The following PABIR3 variants were observed in gnomAD, a reference collection of about 807,000 sequenced individuals.
The protein encoded by PABIR3 is PABIR family member 3, also known as PABIR family member 1.
Under a neutral mutation model 23.1 loss-of-function variants are expected in PABIR3, and 20 were observed. The ratio of observed to expected loss-of-function variants is 0.86; its 90% CI spans 0.61 to 1.26. PABIR3 has a LOEUF of 1.26. Ranked by LOEUF, PABIR3 falls within the 50% of genes most tolerant of loss-of-function variation. PABIR3 has a pLI of 0.00. For missense variants in PABIR3, 189 were observed against 195.4 expected, an observed-to-expected ratio of 0.97 and a Z score of 0.20; for synonymous variants, 69 against 68.5, an observed-to-expected ratio of 1.01 and a Z score of -0.04.
chrX:134,821,244 TAA>T (rs34486506), intron 3 of PABIR3: 24,681 of 536,544 alleles, frequency 0.046, 9 homozygotes, highest in East Asian at 0.068. Context: ...CCAAGCATTG[TAA>T]AAAAAAAAAA....
chrX:134,798,269 G>A (rs775730091), intron 1 of PABIR3, among the ~76,000 whole-genome samples: 1 of 112,665 alleles, frequency 8.9e-6, no homozygotes, highest in South Asian at 3.6e-4. Flanking sequence ...ACAGTCACAG[G>A]TAACGAAAGG....
At chrX:134,833,778 C>T (rs1040775489) in intron 4 of PABIR3, among the ~76,000 whole-genome samples, 1 of 110,980 alleles carries the variant, frequency 9.0e-6, no homozygotes, top group African/African-American at 3.3e-5. Context: ...TTTGGTTTTC[C>T]GTTCCTGTGT....
At position 134,807,700 on chromosome X, in the gene PABIR3, T is replaced by C. The variant is rs776368516; in HGVS notation, c.102T>C (p.Asn34=). The C allele has an allele frequency of 1.7e-6, 2 of 1,177,769 alleles. No individual in the cohort carries two copies. Among genetic ancestry groups the C allele is most frequent in the Non-Finnish European group, 2.3e-6 (2 of 874,016 alleles). The change falls in exon 2 of 11, where the codon AAT becomes AAC. Residue 34 remains asparagine (N), a synonymous_variant. Coordinates refer to ENST00000645433, the MANE Select transcript of PABIR3 (RefSeq NM_001388447.1). ...LRRVNSAPLI[N]GLGFNSQVLQ... The stretch of plus-strand genomic sequence containing the variant: ...GAGTCAACAGTGCCCCTTTGATCAA[T>C]GGACTTGGGTGAGCCGGGTTGAGAT...
chrX:134,820,384 G>C (rs1196586349), intron 3 of PABIR3, among the ~76,000 whole-genome samples: 2 of 111,527 alleles, frequency 1.8e-5, no homozygotes, highest in African/African-American at 6.5e-5. Context: ...TAAACTATAA[G>C]TTTAATGGTT....
chrX:134,804,553 C>T (rs1436252834), upstream of PABIR3, among the ~76,000 whole-genome samples: 1 of 111,983 alleles, frequency 8.9e-6, no homozygotes, highest in East Asian at 2.8e-4. Context: ...CTTAGTCACT[C>T]TTCCCTTGTC....
chrX:134,858,153 A>G (rs1009879368), downstream of PABIR3, among the ~76,000 whole-genome samples: 1 of 112,061 alleles, frequency 8.9e-6, no homozygotes, highest in Non-Finnish European at 1.9e-5. Flanking sequence ...CTCAATGCAG[A>G]AATCCTTTTA....
intron 3 of PABIR3, among the ~76,000 whole-genome samples, chrX:134,824,745 A>G (rs1256391921): frequency 2.7e-5 from 3 of 112,023 alleles, no homozygotes; most frequent in Non-Finnish European, 5.6e-5. Flanking sequence ...GGTTGCATTG[A>G]GCCAAAATTG....
intron 2 of PABIR3, among the ~76,000 whole-genome samples, chrX:134,808,535 C>T (rs934000330): frequency 9.0e-6 from 1 of 111,613 alleles, no homozygotes; most frequent in Non-Finnish European, 1.9e-5. Context: ...CGCCCACCAA[C>T]ACTCCCGGCT....
chrX:134,854,251 C>G lies in PABIR3; in HGVS notation c.*34C>G. On this transcript the variant is annotated 3_prime_UTR_variant, in exon 11 of 11. Coordinates refer to ENST00000645433, the MANE Select transcript of PABIR3 (RefSeq NM_001388447.1). The stretch of plus-strand genomic sequence containing the variant: ...CTTTCAACTAAATGATTCACCCATC[C>G]CAAGACTTTCTCACCAGTGGAGAAA... The G allele has an allele frequency of 8.5e-7, 1 of 1,182,760 alleles. No individual in the cohort carries two copies. The highest frequency in any genetic ancestry group is 1.9e-5 in the South Asian group (1 of 53,906).
Position 134,811,948 on chromosome X carries a change from A to G in PABIR3, c.111-2823A>G, listed in dbSNP as rs180722902. ...ATTTACTCTCTGGCCCTTCGCAGAA[A>G]AAGTTTGCCCATCTTCTGGTTTATT... On this transcript the variant is annotated intron_variant, in intron 2 of 10. Transcript: ENST00000645433. 8.0e-5 allele frequency among the ~76,000 whole-genome samples: 9 copies of G among 112,594 alleles called. No homozygotes were observed. The East Asian group carries it at 2.5e-3, about 31-fold the overall frequency.
At chrX:134,849,331 T>C (rs1014476926) in intron 9 of PABIR3, 103 bp downstream of exon 9, 27 of 316,212 alleles carry the variant, frequency 8.5e-5, no homozygotes, top group Non-Finnish European at 1.2e-4. Context: ...GCTTTATTTA[T>C]TTAAAATATA....
chrX:134,824,221 C>T (rs888128858), intron 3 of PABIR3, among the ~76,000 whole-genome samples: 7 of 111,808 alleles, frequency 6.3e-5, no homozygotes, highest in Non-Finnish European at 1.1e-4. Context: ...ACCCCTTGGA[C>T]AAGTTGCTTA....
chrX:134,814,426 G>C (rs187985257), intron 2 of PABIR3, among the ~76,000 whole-genome samples: 2 of 111,858 alleles, frequency 1.8e-5, no homozygotes, highest in East Asian at 5.6e-4. Flanking sequence ...GGCCGGGCAT[G>C]GTGGATCACG....
intron 3 of PABIR3, among the ~76,000 whole-genome samples, 170 bp from the exon 4 acceptor site, chrX:134,829,056 C>G (rs765464733): frequency 9.0e-6 from 1 of 111,708 alleles, no homozygotes; most frequent in African/African-American, 3.3e-5. Flanking sequence ...GTATAATTTT[C>G]AGTCAAGATC....
At chrX:134,842,071 T>C (rs1300722647) in intron 4 of PABIR3, among the ~76,000 whole-genome samples, 1 of 111,561 alleles carries the variant, frequency 9.0e-6, no homozygotes, top group Non-Finnish European at 1.9e-5. Flanking sequence ...TGCATTTCCA[T>C]AATGACAAAT....
chrX:134,853,065 C>A (rs769360320), intron 10 of PABIR3, among the ~76,000 whole-genome samples, 169 bp downstream of exon 10: 13 of 110,608 alleles, frequency 1.2e-4, no homozygotes, highest in Non-Finnish European at 2.1e-4. Context: ...ATTTTATTTT[C>A]TTTTTTTTCT....
chrX:134,837,823 G>C (rs181470057), intron 4 of PABIR3, among the ~76,000 whole-genome samples: 1 of 112,106 alleles, frequency 8.9e-6, no homozygotes, highest in African/African-American at 3.2e-5. Context: ...TACCTGCTCT[G>C]TACTTGTTGA....
intron 1 of PABIR3, among the ~76,000 whole-genome samples, chrX:134,799,155 C>A (rs189177348): frequency 9.0e-6 from 1 of 110,972 alleles, no homozygotes; most frequent in Admixed American, 9.5e-5. Flanking sequence ...AAAAGCCAAG[C>A]GTACAGAATT....
chrX:134,829,178 T>C, intron 3 of PABIR3, 48 bp from the exon 4 acceptor site: 1 of 1,045,207 alleles, frequency 9.6e-7, no homozygotes, highest in East Asian at 3.0e-5. Flanking sequence ...GAGATGTAAT[T>C]AATCACAAAC....
Sources: allele counts gnomAD v4.1 joint callset (sites outside exome capture counted in the v4.1 genomes callset), GRCh38; gene constraint gnomAD v4.1.1; transcripts MANE v1.5; gene names NCBI Gene and HGNC (gene_info 2026-07-23, HGNC 2026-07-21).